Variants in RAP2A observed in about 807,000 individuals in gnomAD.
RAP2A encodes ras-related protein Rap-2a.
In RAP2A, 5 loss-of-function variants were observed where a neutral mutation model predicts 15.1. That is an observed-to-expected ratio of 0.33 (90% CI 0.17 to 0.70). The LOEUF (loss-of-function observed/expected upper bound fraction) is 0.70. RAP2A is among the 30% of genes least tolerant of loss of function. The pLI is 0.68. For synonymous variants in RAP2A, 110 were observed against 99.7 expected (o/e 1.10, Z -0.62); for missense variants, 111 against 240.3 (o/e 0.46, Z 3.56).
rs577067996 is a variant in RAP2A, at chr13:97,442,392, A to G, written c.314+7608A>G. On this transcript the variant is annotated intron_variant, in intron 1 of 1. Transcript: ENST00000245304. The stretch of plus-strand genomic sequence containing the variant: ...AGAAATAAGGTGACTTATAATTTTT[A>G]TTTTTAAATTGTTATCTGTCAAAAA... 2.6e-5 allele frequency among the ~76,000 whole-genome samples: 4 copies of G among 152,206 alleles called. No homozygotes were observed. In the East Asian group the frequency reaches 7.7e-4, roughly 29 times the overall value.
Position 97,464,705 on chromosome 13 carries a change from C to T in RAP2A, c.*263C>T. The T allele has an allele frequency of 2.2e-6, 1 of 444,650 alleles. No individual in the cohort carries two copies. The highest frequency in any genetic ancestry group is 3.6e-5 in the East Asian group (1 of 27,532). The allele number at this position is 444,650 out of a possible 1,614,324, so 27.5% of individuals were successfully genotyped here. Reference sequence around the variant, plus strand: ...AGTCCATCGATCTACAGGGTGATCTCATTTGAAAGCTATGATGGCATTGTC... The same window carrying T: ...AGTCCATCGATCTACAGGGTGATCTTATTTGAAAGCTATGATGGCATTGTC... On this transcript the variant is annotated 3_prime_UTR_variant, in exon 2 of 2. Coordinates refer to ENST00000245304, the MANE Select transcript of RAP2A (RefSeq NM_021033.7).
At chr13:97,462,005 T>G (rs1183862139) in intron 1 of RAP2A, among the ~76,000 whole-genome samples, 2 of 144,944 alleles carry the variant, frequency 1.4e-5, no homozygotes, top group Non-Finnish European at 3.0e-5. Flanking sequence ...TATTTATATT[T>G]ATATATTTAT....
intron 1 of RAP2A, among the ~76,000 whole-genome samples, chr13:97,459,409 C>T (rs2153180274): frequency 6.6e-6 from 1 of 152,298 alleles, no homozygotes; most frequent in South Asian, 2.1e-4. Context: ...AGAGTCAGCC[C>T]TCTAAGTCAG....
intron 1 of RAP2A, chr13:97,437,560 T>C (rs1042553389): frequency 4.6e-5 from 7 of 152,116 alleles, no homozygotes; most frequent in African/African-American, 1.7e-4. Flanking sequence ...TTAATAACTT[T>C]GTCATTTATC....
At chr13:97,438,143 T>C (rs1308531862) in intron 1 of RAP2A, among the ~76,000 whole-genome samples, 1 of 152,236 alleles carries the variant, frequency 6.6e-6, no homozygotes, top group East Asian at 1.9e-4. Flanking sequence ...CTAGAATTTT[T>C]TTCTGATTTT....
chr13:97,466,443 A>G lies in RAP2A; in HGVS notation c.*2001A>G, dbSNP rs1261804484. 6.6e-6 allele frequency: 1 copy of G among 152,228 alleles called. No individual in the cohort carries two copies. Among genetic ancestry groups the G allele is most frequent in the African/African-American group, 2.4e-5 (1 of 41,456 alleles). The allele number at this position is 152,228 out of a possible 1,614,324, so 9.4% of individuals were successfully genotyped here. A position where few individuals can be genotyped will look rare whatever the true frequency, so the allele number is the denominator to read the frequency against. On this transcript the variant is annotated 3_prime_UTR_variant, in exon 2 of 2. Coordinates refer to ENST00000245304, the MANE Select transcript of RAP2A (RefSeq NM_021033.7). ...AAGTTGGTTTGATTCAAACATGTAGAGAAGTTGTAGATTCAAGATATATGA... is the reference window on the plus strand; with the variant it reads ...AAGTTGGTTTGATTCAAACATGTAGGGAAGTTGTAGATTCAAGATATATGA...
At chr13:97,437,656 T>G (rs1266295092) in intron 1 of RAP2A, 1 of 152,220 alleles carries the variant, frequency 6.6e-6, no homozygotes, top group Non-Finnish European at 1.5e-5. Context: ...CTTAGTATAT[T>G]CAAGATGAGA....
chr13:97,462,531 AC>A lies in RAP2A; in HGVS notation c.315-1671del, dbSNP rs572412456. 9.2e-5 allele frequency among the ~76,000 whole-genome samples: 14 copies of A among 152,116 alleles called. No homozygotes were observed. In the South Asian group the frequency reaches 2.9e-3, roughly 32 times the overall value. ...GTAAGAGTCCTAGAAGATGTTAAAA[AC>A]CCTTGTGTCTTATGTTCAGAGCTGT... On this transcript the variant is annotated intron_variant, in intron 1 of 1. Transcript: ENST00000245304.
At chr13:97,459,840 C>G (rs1316729588) in intron 1 of RAP2A, among the ~76,000 whole-genome samples, 4 of 152,158 alleles carry the variant, frequency 2.6e-5, no homozygotes, top group African/African-American at 9.7e-5. Flanking sequence ...TGTCTGCGCC[C>G]TCTGCTAATT....
intron 1 of RAP2A, among the ~76,000 whole-genome samples, chr13:97,457,863 T>A (rs1478816058): frequency 6.6e-6 from 1 of 151,922 alleles, no homozygotes; most frequent in Non-Finnish European, 1.5e-5. Flanking sequence ...ACTTATTTAA[T>A]TTGAGCAAGA....
At chr13:97,455,526 T>A (rs2066719266) in intron 1 of RAP2A, among the ~76,000 whole-genome samples, 2 of 151,462 alleles carry the variant, frequency 1.3e-5, no homozygotes, top group Non-Finnish European at 2.9e-5. Context: ...CTTTTTTCCT[T>A]TTAGCCAATA....
intron 1 of RAP2A, among the ~76,000 whole-genome samples, chr13:97,435,274 C>A (rs569923267): frequency 6.6e-6 from 1 of 152,154 alleles, no homozygotes; most frequent in African/African-American, 2.4e-5. Flanking sequence ...AGGCGTTTTA[C>A]AAAAATTAAG....
chr13:97,454,866 G>A (rs1265530254), intron 1 of RAP2A, among the ~76,000 whole-genome samples: 2 of 151,358 alleles, frequency 1.3e-5, no homozygotes, highest in Admixed American at 1.3e-4. Context: ...TAGTTCTGAA[G>A]GATATTTTTG....
At chr13:97,437,969 C>T (rs543010809) in intron 1 of RAP2A, among the ~76,000 whole-genome samples, 1 of 152,216 alleles carries the variant, frequency 6.6e-6, no homozygotes, top group South Asian at 2.1e-4. Context: ...GTGTACATAC[C>T]TCCGTATACA....
At chr13:97,444,982 C>T (rs557608627) in intron 1 of RAP2A, among the ~76,000 whole-genome samples, 16 of 152,256 alleles carry the variant, frequency 1.1e-4, no homozygotes, top group South Asian at 4.1e-4. Context: ...CAGCAAAATT[C>T]GTGTCACAAA....
intron 1 of RAP2A, among the ~76,000 whole-genome samples, chr13:97,438,574 A>T (rs1431288243): frequency 6.6e-6 from 1 of 152,182 alleles, no homozygotes; most frequent in Admixed American, 6.5e-5. Context: ...TGTTCCAATA[A>T]TGGAACACTA....
intron 1 of RAP2A, among the ~76,000 whole-genome samples, chr13:97,452,281 C>A (rs2066705050): frequency 6.6e-6 from 1 of 151,306 alleles, no homozygotes; most frequent in African/African-American, 2.4e-5. Flanking sequence ...TATGATCCAT[C>A]TCTAATTTGT....
At chr13:97,451,323 C>T (rs899217931) in intron 1 of RAP2A, among the ~76,000 whole-genome samples, 10 of 152,032 alleles carry the variant, frequency 6.6e-5, no homozygotes, top group African/African-American at 2.2e-4. Context: ...CACCTGTAAC[C>T]AAATCCCAAA....
chr13:97,447,846 C>T (rs190060331), intron 1 of RAP2A, among the ~76,000 whole-genome samples: 83 of 152,246 alleles, frequency 5.5e-4, no homozygotes, highest in African/African-American at 1.8e-3. Context: ...GATACAGCTG[C>T]ATATAAAACA....
Sources: gnomAD v4.1 joint callset for allele counts (sites outside exome capture counted in the v4.1 genomes callset) on GRCh38, gnomAD v4.1.1 for gene constraint, MANE v1.5 for transcripts, NCBI Gene and HGNC (gene_info 2026-07-23, HGNC 2026-07-21) for gene names.